The following RGS6 variants were observed in gnomAD, a reference collection of about 807,000 sequenced individuals.
RGS6 encodes the protein regulator of G protein signaling 6, also known as regulator of G-protein signaling 6.
In RGS6, 30 loss-of-function variants were observed where a neutral mutation model predicts 78.5. The ratio of observed to expected loss-of-function variants is 0.38; its 90% CI spans 0.29 to 0.52. The LOEUF (loss-of-function observed/expected upper bound fraction) is 0.52, where lower values mean the gene tolerates loss of function less well. RGS6 is among the 20% of genes least tolerant of loss of function. The probability of loss-of-function intolerance (pLI) is 0.85; values close to 1 mark genes in which losing one functional copy is unlikely to be tolerated. For missense variants in RGS6, 495 were observed against 609.7 expected (o/e 0.81, Z 1.98); for synonymous variants, 206 against 206.0 (o/e 1.00, Z 0.00).
intron 2 of RGS6, among the ~76,000 whole-genome samples, chr14:72,055,266 C>T (rs903685477): frequency 6.6e-6 from 1 of 152,168 alleles, no homozygotes; most frequent in African/African-American, 2.4e-5. Context: ...CAGAAAAGAT[C>T]CTATCAGTTC....
At chr14:72,288,038 C>G (rs847337) in intron 2 of RGS6, among the ~76,000 whole-genome samples, 149,261 of 152,314 alleles carry the variant, frequency 0.98, 73,149 homozygotes, top group East Asian at 1. Flanking sequence ...CAGGGATATT[C>G]GCCTATAGTT....
intron 2 of RGS6, among the ~76,000 whole-genome samples, chr14:72,213,558 T>A (rs2044714658): frequency 6.6e-6 from 1 of 152,204 alleles, no homozygotes; most frequent in Non-Finnish European, 1.5e-5. Flanking sequence ...AAACTTTGAC[T>A]CATTCCTGAA....
chr14:71,874,609 C>G, the RGS6 span, among the ~76,000 whole-genome samples: 212 of 152,312 alleles, frequency 1.4e-3, no homozygotes, highest in Non-Finnish European at 2.3e-3. Context: ...TTGACTTCCT[C>G]TTTTCCTAAA....
intron 2 of RGS6, among the ~76,000 whole-genome samples, chr14:72,076,582 G>A (rs1208149354): frequency 6.6e-6 from 1 of 152,122 alleles, no homozygotes; most frequent in Non-Finnish European, 1.5e-5. Context: ...AGACTGAAAT[G>A]CAGTGGCATG....
At chr14:72,397,885 A>C (rs532485531) in intron 3 of RGS6, among the ~76,000 whole-genome samples, 2,792 of 152,280 alleles carry the variant, frequency 0.018, 97 homozygotes, top group African/African-American at 0.064. Flanking sequence ...CCAGCCTTGC[A>C]TCCCAGGGAT....
At chr14:72,099,499 G>A (rs555688325) in intron 2 of RGS6, among the ~76,000 whole-genome samples, 1 of 152,250 alleles carries the variant, frequency 6.6e-6, no homozygotes, top group East Asian at 1.9e-4. Context: ...CCAGGAAGTA[G>A]ACTAGCTAAT....
intron 2 of RGS6, among the ~76,000 whole-genome samples, chr14:72,148,642 C>A (rs1245622039): frequency 1.3e-5 from 2 of 152,104 alleles, no homozygotes; most frequent in Non-Finnish European, 2.9e-5. Flanking sequence ...ATCAATAGAA[C>A]TTGGTATTGA....
intron 2 of RGS6, among the ~76,000 whole-genome samples, chr14:72,081,220 T>C (rs1200597368): frequency 1.3e-5 from 2 of 152,090 alleles, no homozygotes; most frequent in East Asian, 3.8e-4. Context: ...TGTACAGATT[T>C]TTCAATTCCT....
chr14:72,612,847 C>T, the RGS6 span, among the ~76,000 whole-genome samples: 1 of 152,202 alleles, frequency 6.6e-6, no homozygotes, highest in African/African-American at 2.4e-5. Context: ...GCTCCCTTTG[C>T]AACCCTGGTG....
intron 15 of RGS6, among the ~76,000 whole-genome samples, chr14:72,528,887 A>G (rs1161083853): frequency 6.6e-6 from 1 of 152,150 alleles, no homozygotes; most frequent in Non-Finnish European, 1.5e-5. Context: ...GGGGAAACAA[A>G]CCAGCACCCC....
intron 3 of RGS6, among the ~76,000 whole-genome samples, chr14:72,360,439 A>T (rs1596261454): frequency 6.6e-6 from 1 of 151,854 alleles, no homozygotes; most frequent in Non-Finnish European, 1.5e-5. Flanking sequence ...GGAGAATGGC[A>T]TGAACCCAGG....
intron 2 of RGS6, chr14:71,990,846 T>C (rs138113275): frequency 1.0e-4 from 46 of 456,060 alleles, no homozygotes; most frequent in African/African-American, 8.8e-4. Flanking sequence ...AGGTAGAACA[T>C]AGCTTATTTC....
chr14:72,163,172 C>A (rs1389133752), intron 2 of RGS6, among the ~76,000 whole-genome samples: 2 of 151,916 alleles, frequency 1.3e-5, no homozygotes, highest in East Asian at 1.9e-4. Flanking sequence ...TAACCAAATA[C>A]CACCTGTTTC....
At chr14:72,540,485 T>C in intron 17 of RGS6, 1 of 1,486,788 alleles carries the variant, frequency 6.7e-7, no homozygotes, top group Admixed American at 1.9e-5. Flanking sequence ...GAACCATAGC[T>C]CATCGAAAAA....
At chr14:72,322,427 C>A (rs114541552) in intron 2 of RGS6, among the ~76,000 whole-genome samples, 345 of 152,000 alleles carry the variant, frequency 2.3e-3, no homozygotes, top group African/African-American at 7.9e-3. Flanking sequence ...AAAAAGCAAA[C>A]CTCTTGAAAG....
chr14:72,414,449 T>G (rs2153071555), intron 3 of RGS6, among the ~76,000 whole-genome samples: 1 of 152,326 alleles, frequency 6.6e-6, no homozygotes, highest in African/African-American at 2.4e-5. Context: ...CATTGGTTAT[T>G]CTAGTTAGTC....
intron 3 of RGS6, among the ~76,000 whole-genome samples, chr14:72,378,822 T>C (rs2085363675): frequency 6.6e-6 from 1 of 152,074 alleles, no homozygotes; most frequent in Non-Finnish European, 1.5e-5. Flanking sequence ...TAGAGGAAAT[T>C]TTTCCTAACT....
chr14:72,519,805 G>A (rs764085348), intron 15 of RGS6, among the ~76,000 whole-genome samples: 22 of 152,158 alleles, frequency 1.4e-4, no homozygotes, highest in Non-Finnish European at 2.6e-4. Context: ...GGGGAGTTCC[G>A]TGGGGGTTCC....
At chr14:72,381,426 A>G (rs1027511224) in intron 3 of RGS6, among the ~76,000 whole-genome samples, 1 of 152,162 alleles carries the variant, frequency 6.6e-6, no homozygotes, top group African/African-American at 2.4e-5. Flanking sequence ...TACAATTTTT[A>G]CATCAATTTT....
Sources: gnomAD v4.1 joint callset for allele counts (sites outside exome capture counted in the v4.1 genomes callset) on GRCh38, gnomAD v4.1.1 for gene constraint, MANE v1.5 for transcripts, NCBI Gene and HGNC (gene_info 2026-07-23, HGNC 2026-07-21) for gene names.